NRXN3: variants seen among roughly 807,000 people sequenced by gnomAD.
NRXN3 encodes neurexin 3, also known as neurexin III.
A neutral mutation model predicts 137.6 loss-of-function variants in NRXN3; 32 were observed. The observed-to-expected ratio is 0.23, with a 90% confidence interval of 0.18 to 0.31. NRXN3 has a LOEUF of 0.31. NRXN3 is among the 10% of genes least tolerant of loss of function. The probability of loss-of-function intolerance (pLI) is 1.00; values close to 1 mark genes in which losing one functional copy is unlikely to be tolerated. For missense variants in NRXN3, 1,574 were observed against 2,062.5 expected, an observed-to-expected ratio of 0.76 and a Z score of 4.59; for synonymous variants, 798 against 784.5, an observed-to-expected ratio of 1.02 and a Z score of -0.29.
intron 15 of NRXN3, among the ~76,000 whole-genome samples, chr14:79,406,937 A>G (rs996880737): frequency 1.3e-5 from 2 of 152,178 alleles, no homozygotes; most frequent in Non-Finnish European, 2.9e-5. Flanking sequence ...TAATAATGCC[A>G]TGATATTTTC....
At chr14:78,529,527 C>T (rs139125768) in intron 4 of NRXN3, among the ~76,000 whole-genome samples, 318 of 152,250 alleles carry the variant, frequency 2.1e-3, no homozygotes, top group African/African-American at 7.4e-3. Context: ...TAACGTGAAC[C>T]CCAATATGGC....
chr14:79,388,478 C>T (rs967613326), intron 15 of NRXN3, among the ~76,000 whole-genome samples: 2 of 152,028 alleles, frequency 1.3e-5, no homozygotes, highest in Non-Finnish European at 2.9e-5. Flanking sequence ...TTATGGGACT[C>T]CTTCTGAGAG....
At chr14:79,308,071 A>T (rs1471871813) in intron 15 of NRXN3, among the ~76,000 whole-genome samples, 1 of 152,038 alleles carries the variant, frequency 6.6e-6, no homozygotes, top group Non-Finnish European at 1.5e-5. Context: ...ATATAAGGAT[A>T]CTAGTCATGA....
rs550167409 is a variant in NRXN3 at position 79,256,877 on chromosome 14, C to A, written c.3263-210344C>A. ...AAAGTGTGTGTGTGTGTATGTGTGT[C>A]TGTGTGCACATGTGTGTGTGCATGC... On this transcript the variant is annotated intron_variant, in intron 15 of 20. Transcript: ENST00000335750. Among the ~76,000 whole-genome samples, 4 of 152,146 alleles carry A rather than the reference C, an allele frequency of 2.6e-5. No individual in the cohort carries two copies. The East Asian group carries it at 7.7e-4, about 29-fold the overall frequency.
chr14:79,669,674 T>A (rs1223561108), intron 17 of NRXN3, among the ~76,000 whole-genome samples: 1 of 152,076 alleles, frequency 6.6e-6, no homozygotes, highest in Non-Finnish European at 1.5e-5. Context: ...TTGCCAGTGC[T>A]CGGGCACTGG....
chr14:79,827,353 G>T (rs943074306), intron 20 of NRXN3, among the ~76,000 whole-genome samples: 1 of 152,126 alleles, frequency 6.6e-6, no homozygotes, highest in Non-Finnish European at 1.5e-5. Flanking sequence ...AAGAAAAAAT[G>T]CATTAGAGCT....
intron 19 of NRXN3, among the ~76,000 whole-genome samples, chr14:79,793,339 C>T (rs566078584): frequency 1.1e-4 from 16 of 152,168 alleles, no homozygotes; most frequent in Admixed American, 9.8e-4. Context: ...GGCGTGAACC[C>T]GGGAGGCGGA....
intron 6 of NRXN3, among the ~76,000 whole-genome samples, chr14:78,681,615 AG>A (rs2098076537): frequency 6.6e-6 from 1 of 152,152 alleles, no homozygotes; most frequent in Admixed American, 6.5e-5. Flanking sequence ...GAATTTTCAG[AG>A]GGGAATGGAC....
chr14:79,842,835 C>T (rs910606042), intron 20 of NRXN3, among the ~76,000 whole-genome samples: 1 of 152,156 alleles, frequency 6.6e-6, no homozygotes, highest in Non-Finnish European at 1.5e-5. Context: ...GATCTTTAGA[C>T]TTGTTCATCC....
chr14:79,521,037 A>G lies in NRXN3; in HGVS notation c.3444+53635A>G, dbSNP rs115854884. On this transcript the variant is annotated intron_variant, in intron 16 of 20. Coordinates refer to ENST00000335750, the MANE Select transcript of NRXN3 (RefSeq NM_001330195.2). Reference sequence around the variant, plus strand: ...CAACCCAAATGCCCATCAATGATAGACTGGATAATGAGTTGTTTTTTAAAG... The same window carrying G: ...CAACCCAAATGCCCATCAATGATAGGCTGGATAATGAGTTGTTTTTTAAAG... 9.6e-4 allele frequency among the ~76,000 whole-genome samples: 146 copies of G among 152,296 alleles called. 1 individual carries two copies. Among genetic ancestry groups the G allele is most frequent in the African/African-American group, 3.3e-3 (139 of 41,576 alleles).
chr14:78,254,046 C>A (rs956995791), intron 2 of NRXN3, among the ~76,000 whole-genome samples: 2 of 152,140 alleles, frequency 1.3e-5, no homozygotes, highest in African/African-American at 4.8e-5. Flanking sequence ...AGGAATTAAC[C>A]CTTGTGCCAA....
chr14:78,668,954 G>GTCTGTCTGTCTA lies in NRXN3; in HGVS notation c.1221+17635_1221+17636insGTCTATCTGTCT, dbSNP rs2097911425. Reference sequence around the variant, plus strand: ...TATCTGTCTGTCTGTCTGTCTGTCTGTCTGTCTATCTATCTACCTACCTAC... The same window carrying GTCTGTCTGTCTA: ...TATCTGTCTGTCTGTCTGTCTGTCTGTCTGTCTGTCTATCTGTCTATCTATCTACCTACCTAC... On this transcript the variant is annotated intron_variant, in intron 6 of 20. Coordinates refer to ENST00000335750, the MANE Select transcript of NRXN3 (RefSeq NM_001330195.2). 3.3e-5 allele frequency among the ~76,000 whole-genome samples: 5 copies of GTCTGTCTGTCTA among 152,084 alleles called. No individual in the cohort carries two copies. In the South Asian group the frequency reaches 8.3e-4, roughly 25 times the overall value.
rs534294483 is a variant in NRXN3, at chr14:79,141,876, A to G, written c.3262+153735A>G. Among the ~76,000 whole-genome samples the G allele has an allele frequency of 1.2e-3, 178 of 152,320 alleles. 1 individual carries two copies. The highest frequency in any genetic ancestry group is 1.9e-3 in the Non-Finnish European group (131 of 68,026). The stretch of plus-strand genomic sequence containing the variant: ...CCTCAAACTTCTGTATATATTCGGT[A>G]TATTCCATTAAGTGCAATTTTATGA... On this transcript the variant is annotated intron_variant, in intron 15 of 20. Coordinates refer to ENST00000335750, the MANE Select transcript of NRXN3 (RefSeq NM_001330195.2).
intron 4 of NRXN3, among the ~76,000 whole-genome samples, chr14:78,332,681 T>G (rs907708866): frequency 1.3e-5 from 2 of 152,190 alleles, no homozygotes; most frequent in African/African-American, 4.8e-5. Context: ...AGGCTTTAAG[T>G]GTCATCTAAC....
At chr14:78,569,135 T>C (rs1016909146) in intron 4 of NRXN3, among the ~76,000 whole-genome samples, 1 of 150,646 alleles carries the variant, frequency 6.6e-6, no homozygotes, top group Non-Finnish European at 1.5e-5. Flanking sequence ...GCCTGGCTAA[T>C]TTTTTGTATT....
At chr14:79,828,210 A>G (rs987499530) in intron 20 of NRXN3, among the ~76,000 whole-genome samples, 2 of 152,184 alleles carry the variant, frequency 1.3e-5, no homozygotes, top group Admixed American at 6.5e-5. Flanking sequence ...GTCAACCCAT[A>G]TGAGAGTGAA....
chr14:78,504,792 G>C (rs182221417), intron 4 of NRXN3, among the ~76,000 whole-genome samples: 1 of 152,064 alleles, frequency 6.6e-6, no homozygotes, highest in Admixed American at 6.6e-5. Context: ...AGTGCTTAAC[G>C]TATACTGTGT....
chr14:78,395,981 A>G lies in NRXN3; in HGVS notation c.757+98121A>G, dbSNP rs952138305. Among the ~76,000 whole-genome samples the G allele has an allele frequency of 8.5e-5, 13 of 152,070 alleles. No individual in the cohort carries two copies. The East Asian group carries it at 2.3e-3, about 27-fold the overall frequency. On this transcript the variant is annotated intron_variant, in intron 4 of 20. Coordinates refer to ENST00000335750, the MANE Select transcript of NRXN3 (RefSeq NM_001330195.2). ...CATATTTAGACTCTTTATATTTAAT[A>G]TCATCATTTATATGTAAGGGTGTAA...
At chr14:78,810,409 T>C in intron 10 of NRXN3, 65 bp downstream of exon 10, 2 of 904,568 alleles carry the variant, frequency 2.2e-6, no homozygotes, top group Non-Finnish European at 3.2e-6. Context: ...CTTTATTTTG[T>C]TTACTGTTTT....
Sources: allele counts gnomAD v4.1 joint callset (sites outside exome capture counted in the v4.1 genomes callset), GRCh38; gene constraint gnomAD v4.1.1; transcripts MANE v1.5; gene names NCBI Gene and HGNC (gene_info 2026-07-23, HGNC 2026-07-21).